Variants in GPR158 observed in about 807,000 individuals in gnomAD.
The protein encoded by GPR158 is metabotropic glycine receptor.
Under a neutral mutation model 78.2 loss-of-function variants are expected in GPR158, and 30 were observed. The observed-to-expected ratio is 0.38, with a 90% CI of 0.29 to 0.52. The LOEUF is 0.52. Among genes scored for constraint, GPR158 ranks in the 20% least tolerant of loss-of-function variants. The probability of loss-of-function intolerance (pLI) is 0.83; values close to 1 mark genes in which losing one functional copy is unlikely to be tolerated. For missense variants in GPR158, 1,463 were observed against 1,523.5 expected (o/e 0.96, Z 0.66); for synonymous variants, 581 against 591.1 (o/e 0.98, Z 0.25).
chr10:25,185,111 G>C (rs997512876), intron 1 of GPR158, among the ~76,000 whole-genome samples: 2 of 152,140 alleles, frequency 1.3e-5, no homozygotes, highest in Admixed American at 6.5e-5. Flanking sequence ...TATCCCCTGT[G>C]GGGCAAAACT....
chr10:25,408,502 C>T (rs1282474287), intron 3 of GPR158, among the ~76,000 whole-genome samples: 1 of 152,190 alleles, frequency 6.6e-6, no homozygotes, highest in Non-Finnish European at 1.5e-5. Context: ...CATACTTTAT[C>T]GTCTCCTATT....
intron 1 of GPR158, among the ~76,000 whole-genome samples, chr10:25,203,868 A>T (rs1446576412): frequency 1.4e-5 from 2 of 144,648 alleles, no homozygotes; most frequent in Non-Finnish European, 3.0e-5. Context: ...CATTTTCACA[A>T]TATTGATTCT....
At chr10:25,308,080 G>A (rs1854708318) in intron 2 of GPR158, among the ~76,000 whole-genome samples, 1 of 152,086 alleles carries the variant, frequency 6.6e-6, no homozygotes, top group Non-Finnish European at 1.5e-5. Context: ...AATATGTTAG[G>A]TACAAAAGTC....
intron 4 of GPR158, among the ~76,000 whole-genome samples, chr10:25,444,342 ATGTG>A (rs1424411242): frequency 6.8e-6 from 1 of 148,104 alleles, no homozygotes. Context: ...GTTGGGTTGT[ATGTG>A]TGGAAGTGTA....
intron 2 of GPR158, among the ~76,000 whole-genome samples, chr10:25,222,122 A>G (rs1248449596): frequency 1.3e-5 from 2 of 152,134 alleles, no homozygotes; most frequent in Non-Finnish European, 2.9e-5. Flanking sequence ...ACATGCATGC[A>G]TATACATGTA....
intron 2 of GPR158, among the ~76,000 whole-genome samples, chr10:25,257,726 T>C (rs1853909592): frequency 6.6e-6 from 1 of 152,242 alleles, no homozygotes; most frequent in Admixed American, 6.5e-5. Context: ...TATTATATCA[T>C]TAACTTGTGT....
At chr10:25,481,527 C>CA (rs1835663353) in intron 5 of GPR158, among the ~76,000 whole-genome samples, 1 of 152,134 alleles carries the variant, frequency 6.6e-6, no homozygotes, top group Admixed American at 6.5e-5. Context: ...AACCTATATT[C>CA]AAAATGCATG....
intron 2 of GPR158, among the ~76,000 whole-genome samples, chr10:25,241,419 T>C (rs150948970): frequency 0.011 from 954 of 87,816 alleles, 72 homozygotes; most frequent in African/African-American, 0.049. Context: ...CTCTTTTCTT[T>C]TCTTTTCTTT....
chr10:25,348,407 A>T (rs1855404529), intron 2 of GPR158, among the ~76,000 whole-genome samples: 1 of 134,100 alleles, frequency 7.5e-6, no homozygotes, highest in African/African-American at 3.6e-5. Flanking sequence ...ACACACACAC[A>T]CACACACACA....
chr10:25,451,608 T>TA (rs1356883301), intron 4 of GPR158, among the ~76,000 whole-genome samples: 1 of 152,236 alleles, frequency 6.6e-6, no homozygotes, highest in African/African-American at 2.4e-5. Context: ...TTGAAAGTGC[T>TA]AGGGCAAAGT....
intron 1 of GPR158, among the ~76,000 whole-genome samples, chr10:25,205,078 C>T (rs138873566): frequency 5.9e-5 from 9 of 152,206 alleles, no homozygotes; most frequent in South Asian, 2.1e-4. Flanking sequence ...CTCTCTCTTG[C>T]CTGCCACCAA....
intron 2 of GPR158, among the ~76,000 whole-genome samples, chr10:25,258,224 A>G (rs962191163): frequency 6.6e-6 from 1 of 152,164 alleles, no homozygotes; most frequent in African/African-American, 2.4e-5. Context: ...TCACCACTAC[A>G]TAAAGCATGC....
At chr10:25,478,849 A>G (rs535304073) in intron 5 of GPR158, among the ~76,000 whole-genome samples, 5 of 132,150 alleles carry the variant, frequency 3.8e-5, no homozygotes, top group Non-Finnish European at 6.1e-5. Context: ...CCTGTGTCCA[A>G]GTGTTCTCAT....
At chr10:25,179,740 G>T (rs576123087) in intron 1 of GPR158, among the ~76,000 whole-genome samples, 1 of 152,088 alleles carries the variant, frequency 6.6e-6, no homozygotes, top group South Asian at 2.1e-4. Context: ...TCTTAACTAA[G>T]AATTTCTTGA....
At chr10:25,365,634 C>A (rs1855709623) in intron 2 of GPR158, among the ~76,000 whole-genome samples, 1 of 151,590 alleles carries the variant, frequency 6.6e-6, no homozygotes, top group Admixed American at 6.6e-5. Context: ...ACAAAATATT[C>A]TGATTCTATC....
chr10:25,501,150 G>A (rs1835942094), intron 5 of GPR158, among the ~76,000 whole-genome samples: 1 of 152,138 alleles, frequency 6.6e-6, no homozygotes, highest in African/African-American at 2.4e-5. Context: ...CCGGGTCATG[G>A]CACAGAATAG....
intron 2 of GPR158, among the ~76,000 whole-genome samples, chr10:25,391,270 CTG>C (rs1362731247): frequency 6.6e-6 from 1 of 152,140 alleles, no homozygotes; most frequent in Non-Finnish European, 1.5e-5. Flanking sequence ...CCTAGTGGAG[CTG>C]TGAGAAGAGG....
At chr10:25,392,142 G>A (rs1834307947) in intron 2 of GPR158, among the ~76,000 whole-genome samples, 1 of 152,142 alleles carries the variant, frequency 6.6e-6, no homozygotes, top group Admixed American at 6.5e-5. Flanking sequence ...CCCAGTCTTG[G>A]GTATGTTCTT....
At chr10:25,306,611 T>C (rs112569740) in intron 2 of GPR158, among the ~76,000 whole-genome samples, 1 of 152,204 alleles carries the variant, frequency 6.6e-6, no homozygotes, top group African/African-American at 2.4e-5. Context: ...TGTTTTCATA[T>C]CTTTCCATAT....
Sources: gnomAD v4.1 joint callset for allele counts (sites outside exome capture counted in the v4.1 genomes callset) on GRCh38, gnomAD v4.1.1 for gene constraint, MANE v1.5 for transcripts, NCBI Gene and HGNC (gene_info 2026-07-23, HGNC 2026-07-21) for gene names.